S100A13: variants seen among roughly 807,000 people sequenced by gnomAD.
The protein encoded by S100A13 is S100 calcium binding protein A13.
A neutral mutation model predicts 8.2 loss-of-function variants in S100A13; 6 were observed. The observed-to-expected ratio is 0.73, with a 90% CI of 0.40 to 1.44. S100A13 has a LOEUF of 1.44. S100A13 is among the 40% of genes most tolerant of loss of function. S100A13 has a pLI of 0.02. For missense variants in S100A13, 114 were observed against 113.6 expected (o/e 1.00, Z -0.02); for synonymous variants, 39 against 45.9 (o/e 0.85, Z 0.61).
chr1:153,628,824 T>A (rs986813173), upstream of S100A13: 32 of 359,624 alleles, frequency 8.9e-5, no homozygotes, highest in Non-Finnish European at 1.3e-4. Context: ...GTCTCCCAGG[T>A]GTTGGGAAGG....
upstream of S100A13, among the ~76,000 whole-genome samples, chr1:153,632,512 C>T (rs564657001): frequency 3.4e-4 from 52 of 151,906 alleles, no homozygotes; most frequent in Non-Finnish European, 3.5e-4. Context: ...ACCTCGTGAT[C>T]CCCCCGCCTC....
upstream of S100A13, chr1:153,631,902 C>T (rs979871593): frequency 1.3e-6 from 2 of 1,577,260 alleles, no homozygotes; most frequent in Non-Finnish European, 1.7e-6. Flanking sequence ...CCTCTTCCCC[C>T]TGCTTCCACC....
At chr1:153,621,282 G>C (rs192887802) in intron 2 of S100A13, among the ~76,000 whole-genome samples, 45 of 151,014 alleles carry the variant, frequency 3.0e-4, no homozygotes, top group South Asian at 2.1e-4. Context: ...TCAGCCTCCC[G>C]AGGAGCTGGG....
chr1:153,628,252 A>G, upstream of S100A13: 1 of 1,535,836 alleles, frequency 6.5e-7, no homozygotes, highest in East Asian at 2.5e-5. Flanking sequence ...AGAGAAAGGA[A>G]CGGGGCAAGC....
At chr1:153,626,727 G>A in intron 1 of S100A13, 194 bp from the exon 2 acceptor site, 1 of 427,246 alleles carries the variant, frequency 2.3e-6, no homozygotes, top group East Asian at 3.6e-5. Flanking sequence ...GTGGGGGCAG[G>A]AGATTCAGCT....
intron 1 of S100A13, chr1:153,626,820 C>G: frequency 5.3e-6 from 1 of 189,958 alleles, no homozygotes; most frequent in East Asian, 1.2e-4. Flanking sequence ...TGTGGTGATC[C>G]CTCGATCTGG....
At chr1:153,619,668 G>A (rs1013611180) in intron 2 of S100A13, among the ~76,000 whole-genome samples, 5 of 152,140 alleles carry the variant, frequency 3.3e-5, no homozygotes, top group Non-Finnish European at 5.9e-5. Flanking sequence ...TGTCCTGATC[G>A]AAGGACCTGT....
At chr1:153,627,760 C>T (rs1358417197), upstream of S100A13, among the ~76,000 whole-genome samples, 2 of 152,120 alleles carry the variant, frequency 1.3e-5, no homozygotes, top group Admixed American at 6.5e-5. Context: ...CCTCTCAATA[C>T]TGGGGGCTGC....
upstream of S100A13, chr1:153,630,688 G>C (rs201157201): frequency 1.6e-4 from 258 of 1,611,780 alleles, no homozygotes; most frequent in African/African-American, 1.3e-5. Flanking sequence ...TGGAGTGGGA[G>C]TGGAGTGGGT....
chr1:153,619,201 G>A (rs1667079900), intron 2 of S100A13, among the ~76,000 whole-genome samples, 163 bp from the exon 3 acceptor site: 1 of 152,310 alleles, frequency 6.6e-6, no homozygotes, highest in Non-Finnish European at 1.5e-5. Flanking sequence ...AAACTGCACC[G>A]CCACGGGGTG....
upstream of S100A13, chr1:153,632,067 G>C (rs1668048188): frequency 1.8e-6 from 1 of 563,856 alleles, no homozygotes; most frequent in Non-Finnish European, 3.2e-6. Context: ...CTGGGATCTG[G>C]AAGTGGGTGG....
At chr1:153,632,571 G>T (rs936827797), upstream of S100A13, among the ~76,000 whole-genome samples, 9 of 151,982 alleles carry the variant, frequency 5.9e-5, no homozygotes, top group African/African-American at 2.2e-4. Flanking sequence ...GCGCTAGGCC[G>T]AAAGAATCTT....
intron 2 of S100A13, 40 bp downstream of exon 2, chr1:153,626,280 T>A (rs753886015): frequency 6.3e-7 from 1 of 1,596,016 alleles, no homozygotes; most frequent in African/African-American, 1.3e-5. Flanking sequence ...TGTCCCATAA[T>A]CATCATCTCA....
At chr1:153,632,734 C>G (rs1231844113), upstream of S100A13, among the ~76,000 whole-genome samples, 1 of 152,094 alleles carries the variant, frequency 6.6e-6, no homozygotes, top group East Asian at 1.9e-4. Context: ...CAAACACATA[C>G]ACACACGCAC....
intron 2 of S100A13, among the ~76,000 whole-genome samples, chr1:153,622,449 C>T (rs1290153094): frequency 6.6e-6 from 1 of 152,154 alleles, no homozygotes; most frequent in East Asian, 1.9e-4. Context: ...GTTATTTTTC[C>T]ACCAGTATGT....
chr1:153,624,114 G>A (rs1333663669), intron 2 of S100A13, among the ~76,000 whole-genome samples: 1 of 152,178 alleles, frequency 6.6e-6, no homozygotes, highest in African/African-American at 2.4e-5. Context: ...AAGCTAGAGA[G>A]GGGAACAGAA....
At chr1:153,634,064 A>G (rs1668199503), upstream of S100A13, 2 of 152,752 alleles carry the variant, frequency 1.3e-5, no homozygotes, top group Admixed American at 1.3e-4. Flanking sequence ...CAAGCACTGG[A>G]CGTGGCGGCC....
chr1:153,628,473 TCCCACCTC>T, upstream of S100A13: 2 of 1,550,660 alleles, frequency 1.3e-6, no homozygotes, highest in Non-Finnish European at 1.7e-6. Context: ...CAGAACCTGC[TCCCACCTC>T]AGGCCCAGGC....
At chr1:153,624,023 G>C (rs1168412878) in intron 2 of S100A13, among the ~76,000 whole-genome samples, 1 of 152,174 alleles carries the variant, frequency 6.6e-6, no homozygotes, top group Non-Finnish European at 1.5e-5. Flanking sequence ...GAGGACCCGA[G>C]GGATGTTGAT....
Sources: gnomAD v4.1 joint callset for allele counts (sites outside exome capture counted in the v4.1 genomes callset) on GRCh38, gnomAD v4.1.1 for gene constraint, MANE v1.5 for transcripts, NCBI Gene and HGNC (gene_info 2026-07-23, HGNC 2026-07-21) for gene names.